ANO4: variants seen among roughly 807,000 people sequenced by gnomAD.
ANO4 encodes anoctamin 4.
ANO4 carries 69 observed loss-of-function variants against 141.9 expected under a neutral mutation model. The ratio of observed to expected loss-of-function variants is 0.49; its 90% CI spans 0.40 to 0.59. The LOEUF (loss-of-function observed/expected upper bound fraction) is 0.59. Ranked by LOEUF, ANO4 falls within the 20% of genes least tolerant of loss-of-function variation. ANO4 has a pLI of 0.00. For missense variants in ANO4, 894 were observed against 1,162.2 expected (o/e 0.77, Z 3.36); for synonymous variants, 350 against 394.3 (o/e 0.89, Z 1.33).
intron 18 of ANO4, 35 bp downstream of exon 18, chr12:101,094,327 C>T (rs1341579437): frequency 8.3e-6 from 13 of 1,567,448 alleles, no homozygotes; most frequent in Non-Finnish European, 1.1e-5. Context: ...TAGAACTGTA[C>T]TGTGGGCTAG....
chr12:101,066,862 T>G (rs1378312184), intron 14 of ANO4: 10 of 1,234,544 alleles, frequency 8.1e-6, no homozygotes, highest in Admixed American at 1.7e-5. Context: ...GTGAGAGAGA[T>G]AAGGTCAAAT....
chr12:100,914,171 A>T (rs1351911016), intron 2 of ANO4, among the ~76,000 whole-genome samples: 2 of 152,218 alleles, frequency 1.3e-5, no homozygotes, highest in Non-Finnish European at 2.9e-5. Flanking sequence ...TAGTGCAGGG[A>T]TGCATTATAA....
intron 8 of ANO4, among the ~76,000 whole-genome samples, chr12:100,993,427 A>G (rs529542587): frequency 4.3e-4 from 65 of 152,222 alleles, no homozygotes; most frequent in African/African-American, 1.4e-3. Flanking sequence ...ATTATCACCA[A>G]TTTACGGATG....
chr12:100,791,518 A>AT (rs1593338365), upstream of ANO4, among the ~76,000 whole-genome samples: 5 of 152,324 alleles, frequency 3.3e-5, no homozygotes, highest in Admixed American at 2.0e-4. Flanking sequence ...TTAGGAATTC[A>AT]TTTTTTGTTG....
intron 2 of ANO4, among the ~76,000 whole-genome samples, chr12:100,912,140 A>T (rs918529788): frequency 1.1e-4 from 16 of 152,078 alleles, no homozygotes; most frequent in Non-Finnish European, 1.9e-4. Context: ...TCATATACGT[A>T]ATCCTAGCAC....
At chr12:100,744,954 C>T (rs2032037043) in intron 3 of ANO4, among the ~76,000 whole-genome samples, 1 of 151,940 alleles carries the variant, frequency 6.6e-6, no homozygotes, top group Non-Finnish European at 1.5e-5. Context: ...CTCTCTCTCC[C>T]CTTCTCTCTT....
At chr12:100,856,739 C>T (rs2038193486) in intron 1 of ANO4, among the ~76,000 whole-genome samples, 1 of 152,068 alleles carries the variant, frequency 6.6e-6, no homozygotes, top group Non-Finnish European at 1.5e-5. Context: ...TAGGAATCAG[C>T]ATGGTGGATG....
At chr12:100,782,851 G>A (rs1431139437) in intron 3 of ANO4, among the ~76,000 whole-genome samples, 1 of 152,090 alleles carries the variant, frequency 6.6e-6, no homozygotes, top group Admixed American at 6.5e-5. Flanking sequence ...CTTTCATTCT[G>A]TATATTAACT....
chr12:100,777,126 T>C (rs1007197060), intron 3 of ANO4, among the ~76,000 whole-genome samples: 1 of 150,134 alleles, frequency 6.7e-6, no homozygotes, highest in African/African-American at 2.5e-5. Flanking sequence ...AGAGTCTCAC[T>C]TTGTCACCCA....
At chr12:100,920,660 T>C (rs1039127161) in intron 2 of ANO4, among the ~76,000 whole-genome samples, 1 of 152,152 alleles carries the variant, frequency 6.6e-6, no homozygotes, top group Admixed American at 6.6e-5. Flanking sequence ...GCAGCTGCAT[T>C]AGTGCATCTG....
chr12:100,794,490 G>A (rs1401348053), upstream of ANO4: 1 of 152,196 alleles, frequency 6.6e-6, no homozygotes, highest in South Asian at 2.1e-4. Flanking sequence ...CAGGCAGGGG[G>A]TTGTCCTGCC....
At chr12:101,008,787 T>C (rs998050976) in intron 8 of ANO4, among the ~76,000 whole-genome samples, 3 of 152,144 alleles carry the variant, frequency 2.0e-5, no homozygotes, top group Non-Finnish European at 4.4e-5. Context: ...ACGTAATCAA[T>C]TTCATCTTCC....
chr12:100,745,996 A>G (rs2032085503), intron 3 of ANO4, among the ~76,000 whole-genome samples: 1 of 152,250 alleles, frequency 6.6e-6, no homozygotes, highest in African/African-American at 2.4e-5. Context: ...GCAGCTTGAT[A>G]TCTTCAAAGT....
At chr12:100,717,353 G>C (rs1295100474), upstream of ANO4, among the ~76,000 whole-genome samples, 3 of 151,470 alleles carry the variant, frequency 2.0e-5, no homozygotes, top group East Asian at 1.9e-4. Flanking sequence ...CCCGCGCGCC[G>C]GCAGCTCTAG....
intron 23 of ANO4, 88 bp from the exon 24 acceptor site, chr12:101,111,475 A>G: frequency 7.8e-7 from 1 of 1,281,352 alleles, no homozygotes; most frequent in South Asian, 1.7e-5. Flanking sequence ...GGACCCATGA[A>G]AAGGACTTTT....
intron 3 of ANO4, among the ~76,000 whole-genome samples, chr12:100,771,297 A>G (rs779440820): frequency 1.3e-5 from 2 of 152,038 alleles, no homozygotes; most frequent in East Asian, 3.9e-4. Context: ...GGCAGAACCA[A>G]CTCTACTGAC....
chr12:100,940,927 A>G (rs1205436138), intron 4 of ANO4, among the ~76,000 whole-genome samples: 2 of 152,160 alleles, frequency 1.3e-5, no homozygotes, highest in Non-Finnish European at 2.9e-5. Flanking sequence ...TTTTAATATT[A>G]CTGCAAAATA....
At chr12:101,054,443 A>C (rs1243512896) in intron 14 of ANO4, among the ~76,000 whole-genome samples, 1 of 152,230 alleles carries the variant, frequency 6.6e-6, no homozygotes, top group Admixed American at 6.5e-5. Flanking sequence ...AATTCAACAA[A>C]TTAGGTCAAA....
At chr12:100,776,208 C>A (rs2033497686) in intron 3 of ANO4, among the ~76,000 whole-genome samples, 1 of 152,160 alleles carries the variant, frequency 6.6e-6, no homozygotes, top group African/African-American at 2.4e-5. Flanking sequence ...ACCCAGGAGT[C>A]CAGGCCAGGC....
Sources: gnomAD v4.1 joint callset for allele counts (sites outside exome capture counted in the v4.1 genomes callset) on GRCh38, gnomAD v4.1.1 for gene constraint, MANE v1.5 for transcripts, NCBI Gene and HGNC (gene_info 2026-07-23, HGNC 2026-07-21) for gene names.